DNAJB12: variants seen among roughly 807,000 people sequenced by gnomAD.
DNAJB12 encodes the protein DnaJ heat shock protein family (Hsp40) member B12, also known as dnaJ homolog subfamily B member 12.
DNAJB12 carries 14 observed loss-of-function variants against 40.6 expected under a neutral mutation model. The ratio of observed to expected loss-of-function variants is 0.34; its 90% confidence interval spans 0.23 to 0.54. The LOEUF (loss-of-function observed/expected upper bound fraction) is 0.54. DNAJB12 is among the 20% of genes least tolerant of loss of function. DNAJB12 has a pLI of 0.92. For synonymous variants in DNAJB12, 181 were observed against 199.5 expected, an observed-to-expected ratio of 0.91 and a Z score of 0.78; for missense variants, 444 against 501.7, an observed-to-expected ratio of 0.89 and a Z score of 1.10.
At chr10:72,352,650 TTTTG>T (rs1460608081) in intron 1 of DNAJB12, among the ~76,000 whole-genome samples, 1 of 152,192 alleles carries the variant, frequency 6.6e-6, no homozygotes, top group African/African-American at 2.4e-5. Flanking sequence ...TGGGTTTATT[TTTTG>T]TTTAATTACA....
chr10:72,354,800 T>C lies in DNAJB12; in HGVS notation c.98A>G (p.Lys33Arg), dbSNP rs770029741. 3.7e-6 allele frequency: 6 copies of C among 1,613,836 alleles called. No individual in the cohort carries two copies. In the South Asian group the frequency reaches 4.4e-5, roughly 12 times the overall value. ...QPDRALRFLE[K>R]AQRLYPTPRV... ...CGGCGTCGGATACAGCCGCTGTGCCTTCTCCAGGAAGCGGAGCGCCCGGTC... is the reference window on the plus strand; with the variant it reads ...CGGCGTCGGATACAGCCGCTGTGCCCTCTCCAGGAAGCGGAGCGCCCGGTC... Residue 33 changes from lysine to arginine, a missense_variant, in exon 1 of 9, where the codon AAG (lysine) becomes AGG (arginine). Lys to Arg is a conservative substitution (Grantham distance 26). Transcript: ENST00000444643.
At chr10:72,347,722 T>C (rs533887425) in intron 1 of DNAJB12, among the ~76,000 whole-genome samples, 1 of 152,236 alleles carries the variant, frequency 6.6e-6, no homozygotes, top group South Asian at 2.1e-4. Context: ...AAGACCAGCC[T>C]GGCCAACATG....
At position 72,333,178 on chromosome 10, in the gene DNAJB12, G is replaced by C. The variant is rs2131971583; in HGVS notation, c.*1470C>G. 1 of 152,314 alleles carries C rather than the reference G, an allele frequency of 6.6e-6. No homozygotes were observed. The highest frequency in any genetic ancestry group is 1.5e-5 in the Non-Finnish European group (1 of 68,028). 9.4% of individuals were successfully genotyped at this position (152,314 alleles called of 1,614,324 possible). On this transcript the variant is annotated 3_prime_UTR_variant, in exon 9 of 9. Coordinates refer to ENST00000444643, the MANE Select transcript of DNAJB12 (RefSeq NM_017626.7). Reference sequence around the variant, plus strand: ...GGGACTTTTAAAAAAAGAGCCGAGAGAAACTCTGGGAGGGTGGTTATCACC... The same window carrying C: ...GGGACTTTTAAAAAAAGAGCCGAGACAAACTCTGGGAGGGTGGTTATCACC...
At chr10:72,348,741 T>C (rs1861862201) in intron 1 of DNAJB12, among the ~76,000 whole-genome samples, 1 of 152,258 alleles carries the variant, frequency 6.6e-6, no homozygotes, top group Non-Finnish European at 1.5e-5. Context: ...GGCGGGCTCC[T>C]GTAGCAAACC....
chr10:72,335,000 A>G (rs1861430052), intron 8 of DNAJB12: 1 of 1,080,970 alleles, frequency 9.3e-7, no homozygotes, highest in African/African-American at 1.7e-5. Flanking sequence ...GCCTGCTACC[A>G]GCAACTCTCA....
chr10:72,345,029 C>T lies in DNAJB12; in HGVS notation c.232G>A (p.Asp78Asn), dbSNP rs778259001. 6.2e-6 allele frequency: 10 copies of T among 1,614,122 alleles called. No individual in the cohort carries two copies. The highest frequency in any genetic ancestry group is 2.2e-5 in the East Asian group (1 of 44,902). Residue 78 changes from aspartate (D) to asparagine (N), a missense_variant, in exon 2 of 9, where the codon GAT becomes AAT. Physicochemically the swap from Asp to Asn is conservative, Grantham distance 23 (BLOSUM62 1). Transcript: ENST00000444643. ...GCTTCACCGTTGGCCGAGGGGGCAT[C>T]GGTCCCACCTGCTTTCCTGTGGGTG... ...HATHRKAGGTDAPSANGEAGG... is the reference protein window; with the variant it reads ...HATHRKAGGTNAPSANGEAGG...
intron 8 of DNAJB12, 41 bp from the exon 9 acceptor site, chr10:72,334,658 G>A (rs942655040): frequency 1.4e-5 from 22 of 1,521,216 alleles, no homozygotes; most frequent in East Asian, 2.5e-5. Flanking sequence ...GCATTCAGGC[G>A]GCACCGGCTC....
rs561341986 is a variant in DNAJB12 at position 72,346,576 on chromosome 10, C to A, written c.134-1449G>T. Among the ~76,000 whole-genome samples the A allele has an allele frequency of 3.9e-5, 6 of 152,224 alleles. No individual in the cohort carries two copies. The South Asian group carries it at 1.2e-3, about 31-fold the overall frequency. On this transcript the variant is annotated intron_variant, in intron 1 of 8. Coordinates refer to ENST00000444643, the MANE Select transcript of DNAJB12 (RefSeq NM_017626.7). ...CTGACCTCAAGCAATCCACCCATCT[C>A]GGCCTCCCGAAGTGCTGGGATTACA...
At position 72,334,470 on chromosome 10, in the gene DNAJB12, A is replaced by G. The variant is rs1161993138; in HGVS notation, c.*178T>C. ...TCTGTCTGTCCTAAGAGCTTTCTGC[A>G]TTTACTGGGTGAGAGAGAGGGCAGC... On this transcript the variant is annotated 3_prime_UTR_variant, in exon 9 of 9. Coordinates refer to ENST00000444643, the MANE Select transcript of DNAJB12 (RefSeq NM_017626.7). The G allele has an allele frequency of 7.9e-7, 1 of 1,272,406 alleles. No homozygotes were observed. The highest frequency in any genetic ancestry group is 1.5e-5 in the African/African-American group (1 of 67,492). 78.8% of individuals were successfully genotyped at this position (1,272,406 alleles called of 1,614,324 possible).
intron 1 of DNAJB12, among the ~76,000 whole-genome samples, chr10:72,347,338 C>A (rs1005958463): frequency 7.2e-5 from 11 of 152,154 alleles, no homozygotes; most frequent in African/African-American, 2.4e-4. Flanking sequence ...GGGAAAAGTA[C>A]CCTGCAAAGG....
At chr10:72,353,240 C>G (rs545498707) in intron 1 of DNAJB12, 8 of 152,362 alleles carry the variant, frequency 5.3e-5, no homozygotes, top group Non-Finnish European at 7.3e-5. Flanking sequence ...TGCTCCTGAG[C>G]CCGCAGCAGC....
At chr10:72,340,310 C>T (rs1861597183) in intron 5 of DNAJB12, among the ~76,000 whole-genome samples, 1 of 151,908 alleles carries the variant, frequency 6.6e-6, no homozygotes, top group Non-Finnish European at 1.5e-5. Flanking sequence ...CGCCACTGCA[C>T]TCAGCCTGGG....
chr10:72,346,227 G>A (rs184053281), intron 1 of DNAJB12, among the ~76,000 whole-genome samples: 2 of 152,078 alleles, frequency 1.3e-5, no homozygotes, highest in African/African-American at 4.8e-5. Flanking sequence ...GCAGTGGTGC[G>A]ATCTCAGCTC....
intron 8 of DNAJB12, chr10:72,334,975 C>T: frequency 8.9e-7 from 1 of 1,124,276 alleles, no homozygotes; most frequent in Non-Finnish European, 1.1e-6. Context: ...ATTCGCCGGG[C>T]TGCAGAAGGA....
intron 5 of DNAJB12, among the ~76,000 whole-genome samples, chr10:72,340,220 C>T (rs1057439899): frequency 2.6e-5 from 4 of 151,666 alleles, no homozygotes; most frequent in Non-Finnish European, 5.9e-5. Context: ...GGCACGCACC[C>T]GTAATCCCAG....
intron 1 of DNAJB12, among the ~76,000 whole-genome samples, chr10:72,352,012 G>T (rs1005985354): frequency 2.6e-5 from 4 of 152,118 alleles, no homozygotes; most frequent in Non-Finnish European, 5.9e-5. Flanking sequence ...CTTTTCCAGG[G>T]ACCTTAGCCT....
intron 5 of DNAJB12, 86 bp downstream of exon 5, chr10:72,340,703 T>C: frequency 7.7e-7 from 1 of 1,302,710 alleles, no homozygotes; most frequent in Non-Finnish European, 1.1e-6. Context: ...ATGGACAGTG[T>C]GGGAGGGAAC....
Position 72,334,282 on chromosome 10 carries a change from G to A in DNAJB12, c.*366C>T. 2.3e-6 allele frequency: 1 copy of A among 435,156 alleles called. No individual in the cohort carries two copies. Among genetic ancestry groups the A allele is most frequent in the Non-Finnish European group, 4.1e-6 (1 of 244,048 alleles). 27.0% of individuals were successfully genotyped at this position (435,156 alleles called of 1,614,324 possible). ...GTGGCTGGTGGTGGCTCCTGTGAGG[G>A]AGGAAAGGCAGCTGGGTGCCCCCTC... On this transcript the variant is annotated 3_prime_UTR_variant, in exon 9 of 9. Coordinates refer to ENST00000444643, the MANE Select transcript of DNAJB12 (RefSeq NM_017626.7).
intron 3 of DNAJB12, 133 bp from the exon 4 acceptor site, chr10:72,341,303 G>C (rs1465973486): frequency 1.2e-6 from 1 of 860,970 alleles, no homozygotes; most frequent in Non-Finnish European, 1.8e-6. Context: ...GGGTGGGCAG[G>C]AAGCTTGGCC....
Sources: allele counts gnomAD v4.1 joint callset (sites outside exome capture counted in the v4.1 genomes callset), GRCh38; gene constraint gnomAD v4.1.1; transcripts MANE v1.5; gene names NCBI Gene and HGNC (gene_info 2026-07-23, HGNC 2026-07-21).